The following SPECC1L variants were observed in gnomAD, a reference collection of about 807,000 sequenced individuals.
SPECC1L encodes sperm antigen with calponin homology and coiled-coil domains 1 like.
Under a neutral mutation model 116.8 loss-of-function variants are expected in SPECC1L, and 40 were observed. The observed-to-expected ratio is 0.34, with a 90% CI of 0.27 to 0.45. SPECC1L has a LOEUF of 0.45. Ranked by LOEUF, SPECC1L falls within the 20% of genes least tolerant of loss-of-function variation. The pLI is 1.00. For synonymous variants in SPECC1L, 504 were observed against 500.6 expected (o/e 1.01, Z -0.09); for missense variants, 1,110 against 1,373.6 (o/e 0.81, Z 3.03).
chr22:24,341,924 A>G (rs1021959932), intron 10 of SPECC1L, among the ~76,000 whole-genome samples: 1 of 152,210 alleles, frequency 6.6e-6, no homozygotes, highest in Non-Finnish European at 1.5e-5. Flanking sequence ...GCTTGGAAGC[A>G]GATCTTCGAT....
In SPECC1L at chr22:24,330,210, C is replaced by T. The variant is rs200815699; in HGVS notation, c.2221-46C>T. On this transcript the variant is annotated intron_variant, in intron 7 of 16. Coordinates refer to ENST00000314328, the MANE Select transcript of SPECC1L (RefSeq NM_015330.6). The stretch of plus-strand genomic sequence containing the variant: ...CAAATTTTATTGCTTTTAAATAAAT[C>T]TTGATTGCTCTCTTTTGGAAATAAA... 155 of 1,590,438 alleles carry T rather than the reference C, an allele frequency of 9.7e-5. 4 individuals are homozygous for T. The highest frequency in any genetic ancestry group is 5.0e-4 in the Middle Eastern group (3 of 5,950).
At chr22:24,339,830 T>C (rs988732352) in intron 10 of SPECC1L, among the ~76,000 whole-genome samples, 11 of 152,206 alleles carry the variant, frequency 7.2e-5, no homozygotes, top group Non-Finnish European at 1.6e-4. Flanking sequence ...TCACCCAGAT[T>C]GGAGTGTAGT....
intron 14 of SPECC1L, among the ~76,000 whole-genome samples, chr22:24,388,612 G>A (rs1285857567): frequency 6.6e-6 from 1 of 152,080 alleles, no homozygotes; most frequent in African/African-American, 2.4e-5. Context: ...GTAATGGGAT[G>A]GCTGGGTCAA....
intron 9 of SPECC1L, among the ~76,000 whole-genome samples, chr22:24,337,110 A>C (rs146866252): frequency 1.3e-5 from 2 of 152,238 alleles, no homozygotes; most frequent in African/African-American, 2.4e-5. Context: ...ATCATAAATC[A>C]AGAAGCATCT....
intron 14 of SPECC1L, among the ~76,000 whole-genome samples, chr22:24,373,065 T>C (rs1391290062): frequency 2.6e-5 from 4 of 152,136 alleles, no homozygotes; most frequent in Admixed American, 6.6e-5. Flanking sequence ...ATGCAACTTA[T>C]AAGGGACATG....
At chr22:24,294,324 A>G (rs1350408631) in intron 2 of SPECC1L, among the ~76,000 whole-genome samples, 2 of 142,316 alleles carry the variant, frequency 1.4e-5, no homozygotes, top group African/African-American at 5.3e-5. Context: ...GTTCATTTAC[A>G]TGTCCTGTTT....
intron 6 of SPECC1L, among the ~76,000 whole-genome samples, chr22:24,325,697 C>A (rs937104356): frequency 2.0e-5 from 3 of 151,932 alleles, no homozygotes; most frequent in Non-Finnish European, 4.4e-5. Context: ...AGAAAAAGAG[C>A]AAAGGAATGA....
At chr22:24,277,560 C>T (rs574483139) in intron 2 of SPECC1L, among the ~76,000 whole-genome samples, 6 of 152,358 alleles carry the variant, frequency 3.9e-5, no homozygotes, top group African/African-American at 1.4e-4. Flanking sequence ...TGGCTCTGGG[C>T]AGTCACTGAT....
At position 24,322,006 on chromosome 22, in the gene SPECC1L, G is replaced by A. The variant is rs180674130; in HGVS notation, c.1026G>A (p.Met342Ile). Residue 342 changes from methionine (M) to isoleucine (I), a missense_variant, in exon 5 of 17, where the codon ATG becomes ATA. This residue lies in a region of SPECC1L where 437 missense variants were observed against 482.6 expected (regional missense o/e 0.91). Transcript: ENST00000314328. Reference protein sequence around the residue: ...TLMDHQHSNSMDNLDSECSEV... With the variant: ...TLMDHQHSNSIDNLDSECSEV... Reference sequence around the variant, plus strand: ...TGGACCATCAGCACAGTAACTCCATGGACAATTTAGACAGTGAGTGCAGTG... The same window carrying A: ...TGGACCATCAGCACAGTAACTCCATAGACAATTTAGACAGTGAGTGCAGTG... 5.6e-6 allele frequency: 9 copies of A among 1,614,172 alleles called. No individual in the cohort carries two copies. In the East Asian group the frequency reaches 1.6e-4, roughly 28 times the overall value.
At chr22:24,289,357 G>C (rs2049112969) in intron 2 of SPECC1L, among the ~76,000 whole-genome samples, 1 of 152,190 alleles carries the variant, frequency 6.6e-6, no homozygotes, top group Non-Finnish European at 1.5e-5. Flanking sequence ...CACTTGTCTG[G>C]AATGTTAAGT....
chr22:24,385,933 G>A (rs2042152516), intron 14 of SPECC1L, among the ~76,000 whole-genome samples: 1 of 152,144 alleles, frequency 6.6e-6, no homozygotes, highest in Non-Finnish European at 1.5e-5. Flanking sequence ...AGACAATAGT[G>A]GATTGCACAT....
At chr22:24,396,573 C>G (rs151253738) in intron 14 of SPECC1L, among the ~76,000 whole-genome samples, 6 of 152,292 alleles carry the variant, frequency 3.9e-5, no homozygotes, top group Admixed American at 3.9e-4. Context: ...GCTGGAATTA[C>G]AGGTGTGCCA....
At position 24,322,508 on chromosome 22, in the gene SPECC1L, C is replaced by G; in HGVS notation, c.1528C>G (p.Leu510Val). ...ENARFEREQL[L>V]GVQQHLSNTL... Reference sequence around the variant, plus strand: ...TGCCCGTTTTGAACGGGAGCAGCTTCTTGGTGTCCAGCAGCATTTAAGCAA... The same window carrying G: ...TGCCCGTTTTGAACGGGAGCAGCTTGTTGGTGTCCAGCAGCATTTAAGCAA... The change falls in exon 5 of 17, where the codon CTT (leucine) becomes GTT (valine). Residue 510 changes from leucine (L) to valine (V), a missense_variant. Leu to Val is a conservative substitution (Grantham distance 32). Around this residue, in one of 4 missense-constraint regions of SPECC1L, gnomAD observed 575 missense variants for 682.4 expected, o/e 0.84. Coordinates refer to ENST00000314328, the MANE Select transcript of SPECC1L (RefSeq NM_015330.6). 1 of 1,614,148 alleles carries G rather than the reference C, an allele frequency of 6.2e-7. No homozygotes were observed. The highest frequency in any genetic ancestry group is 8.5e-7 in the Non-Finnish European group (1 of 1,180,032).
At chr22:24,398,536 GA>G (rs1442738441) in intron 14 of SPECC1L, among the ~76,000 whole-genome samples, 1 of 152,182 alleles carries the variant, frequency 6.6e-6, no homozygotes, top group Non-Finnish European at 1.5e-5. Context: ...AATGGAGGAG[GA>G]GTCAGCCTTG....
intron 2 of SPECC1L, among the ~76,000 whole-genome samples, chr22:24,283,692 C>G (rs1208835206): frequency 6.6e-6 from 1 of 152,150 alleles, no homozygotes; most frequent in East Asian, 1.9e-4. Flanking sequence ...GTGAATGCAT[C>G]TACGCCTGGG....
chr22:24,347,646 G>A (rs2041326303), intron 11 of SPECC1L, among the ~76,000 whole-genome samples: 1 of 152,038 alleles, frequency 6.6e-6, no homozygotes, highest in African/African-American at 2.4e-5. Context: ...GCAACTCTTT[G>A]GAGCCCTTGG....
intron 14 of SPECC1L, among the ~76,000 whole-genome samples, chr22:24,385,870 G>A (rs545780601): frequency 6.6e-6 from 1 of 152,312 alleles, no homozygotes; most frequent in East Asian, 1.9e-4. Context: ...TATAGAAGAT[G>A]TAAGTAATGC....
intron 6 of SPECC1L, among the ~76,000 whole-genome samples, chr22:24,325,522 C>T (rs1006403298): frequency 6.6e-6 from 1 of 150,918 alleles, no homozygotes; most frequent in South Asian, 2.1e-4. Context: ...CTGCCACTTT[C>T]CCTTTTACTT....
intron 14 of SPECC1L, among the ~76,000 whole-genome samples, chr22:24,392,324 T>C (rs564484439): frequency 2.8e-4 from 43 of 152,382 alleles, no homozygotes; most frequent in African/African-American, 9.9e-4. Flanking sequence ...AATCTTTATG[T>C]ATCATCTCAA....
Sources: gnomAD v4.1 joint callset for allele counts (sites outside exome capture counted in the v4.1 genomes callset) on GRCh38, gnomAD v4.1.1 for gene constraint, gnomAD v4.1.1 regional missense constraint, MANE v1.5 for transcripts, NCBI Gene and HGNC (gene_info 2026-07-23, HGNC 2026-07-21) for gene names.